Variants in C10orf90 observed in about 807,000 individuals in gnomAD.
The protein encoded by C10orf90 is chromosome 10 open reading frame 90.
In C10orf90, 56 loss-of-function variants were observed where a neutral mutation model predicts 62.5. The observed-to-expected ratio is 0.90, with a 90% CI of 0.72 to 1.12. The LOEUF is 1.12. Among genes scored for constraint, C10orf90 ranks in the 50% most tolerant of loss-of-function variants. C10orf90 has a pLI of 0.00. For synonymous variants in C10orf90, 386 were observed against 340.4 expected, an observed-to-expected ratio of 1.13 and a Z score of -1.47; for missense variants, 970 against 880.4, an observed-to-expected ratio of 1.10 and a Z score of -1.29.
At chr10:126,551,298 C>T (rs987349702) in intron 2 of C10orf90, among the ~76,000 whole-genome samples, 15 of 152,244 alleles carry the variant, frequency 9.9e-5, no homozygotes, top group African/African-American at 3.6e-4. Context: ...GTTTCTACCA[C>T]TACCAACACC....
intron 2 of C10orf90, among the ~76,000 whole-genome samples, chr10:126,537,404 C>T (rs1029382414): frequency 1.3e-5 from 2 of 152,166 alleles, no homozygotes; most frequent in South Asian, 2.1e-4. Flanking sequence ...AGCAACCTAG[C>T]CCCCCAAAAC....
rs377581388 is a variant in C10orf90, at chr10:126,606,103, G to A, written c.313+40462C>T. Among the ~76,000 whole-genome samples the A allele has an allele frequency of 1.4e-4, 22 of 152,282 alleles. No homozygotes were observed. The South Asian group carries it at 2.1e-3, about 14-fold the overall frequency. On this transcript the variant is annotated intron_variant, in intron 2 of 9. Transcript: ENST00000488181. ...GCAGTTTCATGCTACAGCATGAGAA[G>A]GCTGTCCCACTGCACCCTGGGAACC... is the stretch of plus-strand genomic sequence containing the variant.
At chr10:126,519,056 C>T (rs1863600519) in intron 2 of C10orf90, among the ~76,000 whole-genome samples, 1 of 152,142 alleles carries the variant, frequency 6.6e-6, no homozygotes, top group Non-Finnish European at 1.5e-5. Flanking sequence ...TATCCCCAGC[C>T]TTGATAAGCC....
chr10:126,572,629 C>T (rs1292035957), intron 2 of C10orf90, among the ~76,000 whole-genome samples: 1 of 152,084 alleles, frequency 6.6e-6, no homozygotes, highest in Non-Finnish European at 1.5e-5. Flanking sequence ...TGGTTTTGGT[C>T]AGCTCCTTTA....
rs772876886 is a variant in C10orf90, at chr10:126,504,040, T to C, written c.1451A>G (p.Glu484Gly). 5 of 1,614,132 alleles carry C rather than the reference T, an allele frequency of 3.1e-6. No homozygotes were observed. The Admixed American group carries it at 8.3e-5, about 27-fold the overall frequency. The change falls in exon 4 of 10, where the codon GAA becomes GGA. Residue 484 changes from glutamate (E) to glycine (G), a missense_variant. Coordinates refer to ENST00000488181, the MANE Select transcript of C10orf90 (RefSeq NM_001350921.2). This position sits in a 1 kb window ranked among gnomAD's most constrained non-coding sequence, Gnocchi z 4.1. ...GANQVTVRKGEKDHTTHCHAS... is the reference protein window; with the variant it reads ...GANQVTVRKGGKDHTTHCHAS... Reference sequence around the variant, plus strand: ...GTGACAATGAGTTGTATGGTCCTTTTCCCCTTTTCTTACAGTGACTTGGTT... The same window carrying C: ...GTGACAATGAGTTGTATGGTCCTTTCCCCCTTTTCTTACAGTGACTTGGTT...
intron 2 of C10orf90, among the ~76,000 whole-genome samples, chr10:126,566,137 C>T (rs1033560346): frequency 1.3e-5 from 2 of 152,128 alleles, no homozygotes; most frequent in African/African-American, 4.8e-5. Context: ...GCAAGGATAA[C>T]CTTGGATAAA....
intron 2 of C10orf90, among the ~76,000 whole-genome samples, chr10:126,618,984 T>G (rs1457587362): frequency 6.6e-6 from 1 of 151,372 alleles, no homozygotes; most frequent in Non-Finnish European, 1.5e-5. Context: ...CACCATGGAA[T>G]ACTATGCAGC....
intron 1 of C10orf90, among the ~76,000 whole-genome samples, chr10:126,667,819 CA>C (rs1208769282): frequency 7.2e-5 from 11 of 152,162 alleles, no homozygotes; most frequent in Non-Finnish European, 1.2e-4. Flanking sequence ...AAAACATACG[CA>C]GGGGGAGACA....
At chr10:126,552,127 C>A (rs1467412453) in intron 2 of C10orf90, among the ~76,000 whole-genome samples, 3 of 152,096 alleles carry the variant, frequency 2.0e-5, no homozygotes, top group African/African-American at 7.2e-5. Flanking sequence ...ATTGATAGAG[C>A]TTTAGGGTCA....
intron 2 of C10orf90, among the ~76,000 whole-genome samples, chr10:126,559,676 T>G (rs1444463372): frequency 6.6e-6 from 1 of 152,176 alleles, no homozygotes; most frequent in Non-Finnish European, 1.5e-5. Flanking sequence ...GAAGCTGGAT[T>G]ATCTCTGCCA....
At chr10:126,665,795 C>T (rs188344214) in intron 1 of C10orf90, among the ~76,000 whole-genome samples, 1 of 152,022 alleles carries the variant, frequency 6.6e-6, no homozygotes, top group Non-Finnish European at 1.5e-5. Context: ...ATTAGAGAGG[C>T]CAATGTAGCT....
chr10:126,594,077 A>G (rs190656216), intron 2 of C10orf90, among the ~76,000 whole-genome samples: 17 of 149,684 alleles, frequency 1.1e-4, no homozygotes, highest in African/African-American at 4.0e-4. Context: ...TGATAATCAC[A>G]TAGTTACCTA....
At chr10:126,627,328 G>A in intron 2 of C10orf90, among the ~76,000 whole-genome samples, 1 of 151,946 alleles carries the variant, frequency 6.6e-6, no homozygotes, top group East Asian at 1.9e-4. Flanking sequence ...GAGTATAACT[G>A]GTTATTTTCA....
At chr10:126,479,792 T>G (rs530591162) in intron 4 of C10orf90, among the ~76,000 whole-genome samples, 1 of 152,348 alleles carries the variant, frequency 6.6e-6, no homozygotes, top group South Asian at 2.1e-4. Flanking sequence ...TTGTTTCTAT[T>G]TGGGATTTTA....
rs1564874251 is a variant in C10orf90 at position 126,565,246 on chromosome 10, T to A, written c.314-51307A>T. On this transcript the variant is annotated intron_variant, in intron 2 of 9. Coordinates refer to ENST00000488181, the MANE Select transcript of C10orf90 (RefSeq NM_001350921.2). ...ATATTACATATTATGTAATATAATA[T>A]TTATTATATTATATATTTATATTAT... Among the ~76,000 whole-genome samples the A allele has an allele frequency of 5.5e-4, 18 of 32,512 alleles. 2 individuals are homozygous for A. Among genetic ancestry groups the A allele is most frequent in the African/African-American group, 1.6e-3 (17 of 10,464 alleles). 21.3% of individuals were successfully genotyped at this position (32,512 alleles called of 152,430 possible).
chr10:126,567,304 C>T (rs76247441), intron 2 of C10orf90, among the ~76,000 whole-genome samples: 4,705 of 152,120 alleles, frequency 0.031, 145 homozygotes, highest in African/African-American at 0.075. Flanking sequence ...TTGGCTGGAG[C>T]AGGAGGAAAA....
chr10:126,613,903 C>G (rs1271285217), intron 2 of C10orf90, among the ~76,000 whole-genome samples: 1 of 152,186 alleles, frequency 6.6e-6, no homozygotes, highest in African/African-American at 2.4e-5. Context: ...TGACCTGACC[C>G]TCACCCCATG....
rs184243135 is a variant in C10orf90 at position 126,609,221 on chromosome 10, G to T, written c.313+37344C>A. Among the ~76,000 whole-genome samples the T allele has an allele frequency of 7.2e-5, 11 of 152,290 alleles. 1 individual carries two copies. The highest frequency in any genetic ancestry group is 2.6e-4 in the African/African-American group (11 of 41,578). On this transcript the variant is annotated intron_variant, in intron 2 of 9. Transcript: ENST00000488181. ...AGTTTAAGACCAGCTTGGCCAACAT[G>T]ATGAAACCCCGTCTCTGTTAAAAAT...
chr10:126,429,969 G>A, intron 7 of C10orf90, 119 bp from the exon 8 acceptor site: 1 of 891,780 alleles, frequency 1.1e-6, no homozygotes. Flanking sequence ...CATATCCTGA[G>A]TCTAAGCAGA....
Sources: gnomAD v4.1 joint callset for allele counts (sites outside exome capture counted in the v4.1 genomes callset) on GRCh38, gnomAD v4.1.1 for gene constraint, Gnocchi (gnomAD v3.1) non-coding constraint, MANE v1.5 for transcripts, NCBI Gene and HGNC (gene_info 2026-07-23, HGNC 2026-07-21) for gene names.